CACNA2D1: variants seen among roughly 807,000 people sequenced by gnomAD.
CACNA2D1 encodes the protein calcium voltage-gated channel auxiliary subunit alpha2delta 1, also known as voltage-dependent calcium channel subunit alpha-2/delta-1.
In CACNA2D1, 53 loss-of-function variants were observed where a neutral mutation model predicts 171.5. That is an observed-to-expected ratio of 0.31 (90% CI 0.25 to 0.39). CACNA2D1 has a LOEUF of 0.39. Among genes scored for constraint, CACNA2D1 ranks in the 10% least tolerant of loss-of-function variants. The probability of loss-of-function intolerance (pLI) is 1.00; values close to 1 mark genes in which losing one functional copy is unlikely to be tolerated. For missense variants in CACNA2D1, 903 were observed against 1,299.8 expected, an observed-to-expected ratio of 0.69 and a Z score of 4.69; for synonymous variants, 442 against 443.1, an observed-to-expected ratio of 1.00 and a Z score of 0.03.
At chr7:82,263,285 A>AGAGATGGGG (rs1335871216) in intron 3 of CACNA2D1, among the ~76,000 whole-genome samples, 3 of 151,202 alleles carry the variant, frequency 2.0e-5, no homozygotes, top group African/African-American at 7.3e-5. Context: ...ATTTTTTTGT[A>AGAGATGGGG]TTTTTAGTAG....
At chr7:82,247,200 GC>G (rs1328852981) in intron 3 of CACNA2D1, among the ~76,000 whole-genome samples, 1 of 152,060 alleles carries the variant, frequency 6.6e-6, no homozygotes, top group East Asian at 1.9e-4. Context: ...CAGATGTATG[GC>G]TCTGGAAATG....
At chr7:82,318,185 C>T (rs146945423) in intron 3 of CACNA2D1, among the ~76,000 whole-genome samples, 12 of 152,258 alleles carry the variant, frequency 7.9e-5, no homozygotes, top group African/African-American at 2.9e-4. Flanking sequence ...GAAATACCAA[C>T]AGACCAGAAT....
At chr7:82,237,160 G>A (rs997034354) in intron 3 of CACNA2D1, among the ~76,000 whole-genome samples, 1 of 151,588 alleles carries the variant, frequency 6.6e-6, no homozygotes, top group African/African-American at 2.4e-5. Flanking sequence ...TATGTAAAAA[G>A]TAAAGACCAG....
intron 6 of CACNA2D1, among the ~76,000 whole-genome samples, chr7:82,094,240 GA>G (rs56682610): frequency 0.45 from 65,563 of 146,608 alleles, 15,099 homozygotes; most frequent in African/African-American, 0.59. Flanking sequence ...AGAATGAAAA[GA>G]AAAAAAAAAA....
chr7:82,376,382 T>C (rs1386622875), intron 1 of CACNA2D1, among the ~76,000 whole-genome samples: 5 of 152,190 alleles, frequency 3.3e-5, no homozygotes, highest in African/African-American at 4.8e-5. Context: ...ATTTTAGATA[T>C]TGTCCTTGCT....
Position 82,443,676 on chromosome 7 carries a change from G to T in CACNA2D1, c.-217C>A. The T allele has an allele frequency of 8.0e-7, 1 of 1,246,668 alleles. No individual in the cohort carries two copies. Among genetic ancestry groups the T allele is most frequent in the Non-Finnish European group, 1.0e-6 (1 of 999,680 alleles). 77.2% of individuals were successfully genotyped at this position (1,246,668 alleles called of 1,614,324 possible). A position where few individuals can be genotyped will look rare whatever the true frequency, so the allele number is the denominator to read the frequency against. Reference sequence around the variant, plus strand: ...CGGTGGCGGGCGGACCCACTAGCGTGCGTCGGCTGCTCCGCGCCGCGGCCG... The same window carrying T: ...CGGTGGCGGGCGGACCCACTAGCGTTCGTCGGCTGCTCCGCGCCGCGGCCG... On this transcript the variant is annotated 5_prime_UTR_variant, in exon 1 of 39. Coordinates refer to ENST00000356860, the MANE Select transcript of CACNA2D1 (RefSeq NM_000722.4).
At chr7:82,361,644 GAA>G (rs1821090477) in intron 1 of CACNA2D1, among the ~76,000 whole-genome samples, 1 of 152,032 alleles carries the variant, frequency 6.6e-6, no homozygotes, top group Admixed American at 6.6e-5. Context: ...ATATTAGGCA[GAA>G]AAAGCACTTT....
At chr7:81,963,788 T>C (rs900248558) in intron 34 of CACNA2D1, among the ~76,000 whole-genome samples, 2 of 151,914 alleles carry the variant, frequency 1.3e-5, no homozygotes, top group African/African-American at 2.4e-5. Flanking sequence ...AGAGTTTCAA[T>C]AGATATGTAG....
rs73387941 is a variant in CACNA2D1, at chr7:82,160,560, G to C, written c.354+9990C>G. On this transcript the variant is annotated intron_variant, in intron 4 of 38. Transcript: ENST00000356860. ...AAGAAATGCTCCATTACCTAGGCTG[G>C]AGTGCTGTAGCACAATCACTGCTCA... is the stretch of plus-strand genomic sequence containing the variant. 8.6e-3 allele frequency among the ~76,000 whole-genome samples: 1,315 copies of C among 152,112 alleles called. 21 individuals are homozygous for C. The highest frequency in any genetic ancestry group is 0.03 in the African/African-American group (1,242 of 41,514).
intron 3 of CACNA2D1, among the ~76,000 whole-genome samples, chr7:82,287,433 A>G (rs1039363980): frequency 1.2e-4 from 19 of 152,220 alleles, no homozygotes; most frequent in African/African-American, 4.6e-4. Context: ...ATTCTATTAT[A>G]TCTCCTCCCA....
intron 4 of CACNA2D1, among the ~76,000 whole-genome samples, chr7:82,145,533 C>A (rs1792910283): frequency 7.7e-6 from 1 of 129,352 alleles, no homozygotes; most frequent in Non-Finnish European, 1.7e-5. Context: ...TGTATATATA[C>A]AGAATGTGTG....
At chr7:82,145,299 A>G (rs1304314383) in intron 4 of CACNA2D1, among the ~76,000 whole-genome samples, 1 of 145,426 alleles carries the variant, frequency 6.9e-6, no homozygotes, top group Non-Finnish European at 1.5e-5. Context: ...AAAAATATAT[A>G]AATTATGTAA....
chr7:82,375,124 G>GA (rs1472040482), intron 1 of CACNA2D1, among the ~76,000 whole-genome samples: 1 of 152,088 alleles, frequency 6.6e-6, no homozygotes, highest in Non-Finnish European at 1.5e-5. Flanking sequence ...AGAGATAGAA[G>GA]AAAAAATGAG....
Position 82,192,033 on chromosome 7 carries a change from C to A in CACNA2D1, c.295-21424G>T, listed in dbSNP as rs1415369451. Among the ~76,000 whole-genome samples the A allele has an allele frequency of 2.0e-5, 3 of 151,624 alleles. No individual in the cohort carries two copies. In the East Asian group the frequency reaches 5.8e-4, roughly 29 times the overall value. ...GTTGTATTTTCACAAATTCATGCAT[C>A]TAAAAAAATGTTTGACTCTTCTCTA... On this transcript the variant is annotated intron_variant, in intron 3 of 38. Transcript: ENST00000356860.
intron 1 of CACNA2D1, among the ~76,000 whole-genome samples, chr7:82,398,316 C>A (rs1282496665): frequency 6.6e-6 from 1 of 152,136 alleles, no homozygotes; most frequent in Non-Finnish European, 1.5e-5. Context: ...ACAGTCTTTG[C>A]CACAGTGAAG....
At chr7:82,200,077 C>T (rs1051709853) in intron 3 of CACNA2D1, among the ~76,000 whole-genome samples, 2 of 151,994 alleles carry the variant, frequency 1.3e-5, no homozygotes, top group African/African-American at 4.8e-5. Context: ...TGGAGATAAA[C>T]TATAATTTTT....
intron 36 of CACNA2D1, among the ~76,000 whole-genome samples, chr7:81,960,856 T>G (rs1409441243): frequency 6.6e-6 from 1 of 152,008 alleles, no homozygotes; most frequent in Non-Finnish European, 1.5e-5. Context: ...GCTAATCTCC[T>G]CTAAACAAGA....
chr7:82,125,289 C>T (rs1790211486), intron 5 of CACNA2D1, among the ~76,000 whole-genome samples: 1 of 152,100 alleles, frequency 6.6e-6, no homozygotes, highest in South Asian at 2.1e-4. Context: ...TTAGACAGAT[C>T]TTGGAATTGG....
chr7:82,015,205 GA>G (rs996997396), intron 12 of CACNA2D1, among the ~76,000 whole-genome samples: 7 of 152,184 alleles, frequency 4.6e-5, no homozygotes, highest in Non-Finnish European at 8.8e-5. Flanking sequence ...ATGTAGTAAT[GA>G]AAAAGTATTC....
Sources: allele counts gnomAD v4.1 joint callset (sites outside exome capture counted in the v4.1 genomes callset), GRCh38; gene constraint gnomAD v4.1.1; transcripts MANE v1.5; gene names NCBI Gene and HGNC (gene_info 2026-07-23, HGNC 2026-07-21).